The following GALNTL6 variants were observed in gnomAD, a reference collection of about 807,000 sequenced individuals.
The protein encoded by GALNTL6 is polypeptide N-acetylgalactosaminyltransferase like 6.
Under a neutral mutation model 73.7 loss-of-function variants are expected in GALNTL6, and 46 were observed. The ratio of observed to expected loss-of-function variants is 0.62; its 90% CI spans 0.49 to 0.80. GALNTL6 has a LOEUF of 0.80. GALNTL6 is among the 30% of genes least tolerant of loss of function. The probability of loss-of-function intolerance (pLI) is 0.00; values close to 1 mark genes in which losing one functional copy is unlikely to be tolerated. For synonymous variants in GALNTL6, 259 were observed against 263.7 expected, an observed-to-expected ratio of 0.98 and a Z score of 0.17; for missense variants, 604 against 755.0, an observed-to-expected ratio of 0.80 and a Z score of 2.34.
intron 2 of GALNTL6, among the ~76,000 whole-genome samples, chr4:172,036,975 T>C (rs1162214049): frequency 6.6e-6 from 1 of 152,146 alleles, no homozygotes; most frequent in African/African-American, 2.4e-5. Flanking sequence ...CTTTCCTTGT[T>C]CTTTAAGTTA....
At chr4:172,280,700 G>A (rs540817927) in intron 3 of GALNTL6, among the ~76,000 whole-genome samples, 2 of 151,802 alleles carry the variant, frequency 1.3e-5, no homozygotes, top group African/African-American at 4.8e-5. Context: ...TTAATATAAG[G>A]ACTTTATTGC....
chr4:172,262,370 A>G (rs1256272548), intron 3 of GALNTL6, among the ~76,000 whole-genome samples: 1 of 151,272 alleles, frequency 6.6e-6, no homozygotes, highest in Non-Finnish European at 1.5e-5. Flanking sequence ...TTTTTTTATC[A>G]TTATATAATT....
rs138791582 is a variant in GALNTL6 at position 171,941,712 on chromosome 4, T to C, written c.138+126994T>C. Among the ~76,000 whole-genome samples, 38 of 152,326 alleles carry C rather than the reference T, an allele frequency of 2.5e-4. No homozygotes were observed. In the South Asian group the frequency reaches 7.2e-3, roughly 29 times the overall value. On this transcript the variant is annotated intron_variant, in intron 2 of 12. Transcript: ENST00000506823. ...TCAACAGCCTCTCTACCTACTTTTA[T>C]GGTTCTTCACTCTCTTGAAAGAATC... is the stretch of plus-strand genomic sequence containing the variant.
At chr4:172,215,369 T>C (rs1736464192) in intron 2 of GALNTL6, among the ~76,000 whole-genome samples, 2 of 152,264 alleles carry the variant, frequency 1.3e-5, no homozygotes, top group South Asian at 4.1e-4. Context: ...ACTGTAGCAA[T>C]GGATTTGTCT....
intron 3 of GALNTL6, among the ~76,000 whole-genome samples, chr4:172,284,107 T>G (rs1039567556): frequency 4.6e-5 from 7 of 152,192 alleles, no homozygotes; most frequent in Admixed American, 1.3e-4. Flanking sequence ...TCCTCCAGGA[T>G]TCTTCATTAA....
chr4:172,824,392 GTGTT>G (rs879658395), intron 7 of GALNTL6, among the ~76,000 whole-genome samples: 3,051 of 92,528 alleles, frequency 0.033, 90 homozygotes, highest in African/African-American at 0.16. Context: ...GTGTGTGTGT[GTGTT>G]TGTGTGTGTG....
At chr4:172,555,062 A>T (rs1369602669) in intron 5 of GALNTL6, among the ~76,000 whole-genome samples, 1 of 152,174 alleles carries the variant, frequency 6.6e-6, no homozygotes, top group Non-Finnish European at 1.5e-5. Flanking sequence ...TACTTAATTT[A>T]GTTATCTTTG....
chr4:172,205,027 A>G (rs1484917841), intron 2 of GALNTL6, among the ~76,000 whole-genome samples: 1 of 152,214 alleles, frequency 6.6e-6, no homozygotes, highest in South Asian at 2.1e-4. Flanking sequence ...GTTCTCTAAA[A>G]GTTATGATTT....
At chr4:172,874,825 T>G (rs1447890576) in intron 7 of GALNTL6, among the ~76,000 whole-genome samples, 2 of 152,142 alleles carry the variant, frequency 1.3e-5, no homozygotes, top group Non-Finnish European at 2.9e-5. Context: ...AAAGAGTTGT[T>G]TTGACAAAAG....
chr4:172,677,707 G>A (rs1344297052), intron 5 of GALNTL6, among the ~76,000 whole-genome samples: 1 of 151,966 alleles, frequency 6.6e-6, no homozygotes, highest in African/African-American at 2.4e-5. Context: ...AGCATCCTTT[G>A]AGTCCAGGAG....
intron 5 of GALNTL6, among the ~76,000 whole-genome samples, chr4:172,381,539 G>A (rs890408899): frequency 3.3e-5 from 5 of 152,026 alleles, no homozygotes; most frequent in Admixed American, 1.3e-4. Flanking sequence ...GTCATCTGTG[G>A]CTTGCTTTTT....
intron 2 of GALNTL6, among the ~76,000 whole-genome samples, chr4:171,844,542 T>C (rs937938425): frequency 1.3e-5 from 2 of 152,090 alleles, no homozygotes; most frequent in African/African-American, 2.4e-5. Flanking sequence ...AGATGTGAGG[T>C]TTGGAAGAGC....
At chr4:172,456,945 C>T (rs912792573) in intron 5 of GALNTL6, among the ~76,000 whole-genome samples, 1 of 151,994 alleles carries the variant, frequency 6.6e-6, no homozygotes, top group Non-Finnish European at 1.5e-5. Flanking sequence ...TTAAGGGCAG[C>T]CAGAGAGAAA....
intron 7 of GALNTL6, among the ~76,000 whole-genome samples, chr4:172,844,552 T>A (rs1216805575): frequency 6.6e-6 from 1 of 152,230 alleles, no homozygotes; most frequent in Non-Finnish European, 1.5e-5. Flanking sequence ...TTAAAATTAA[T>A]TTTTCTTTCA....
intron 7 of GALNTL6, among the ~76,000 whole-genome samples, chr4:172,826,953 T>G (rs1018532448): frequency 1.3e-5 from 2 of 152,228 alleles, no homozygotes; most frequent in Non-Finnish European, 2.9e-5. Context: ...GGATGGCATC[T>G]TGATCATGGG....
chr4:172,791,663 A>G (rs1034614325), intron 5 of GALNTL6, among the ~76,000 whole-genome samples: 5 of 152,132 alleles, frequency 3.3e-5, no homozygotes, highest in Non-Finnish European at 4.4e-5. Context: ...ACCCTCTGTT[A>G]TCCCTTATTT....
intron 2 of GALNTL6, among the ~76,000 whole-genome samples, chr4:172,097,886 T>C (rs1407656911): frequency 6.6e-6 from 1 of 152,126 alleles, no homozygotes; most frequent in Non-Finnish European, 1.5e-5. Context: ...GTTTAGAACT[T>C]GTTTACTATT....
At chr4:172,181,657 C>T (rs532217280) in intron 2 of GALNTL6, among the ~76,000 whole-genome samples, 19 of 150,980 alleles carry the variant, frequency 1.3e-4, no homozygotes, top group Middle Eastern at 3.5e-3. Context: ...CAAATTGCCT[C>T]AGTTTTCAGA....
chr4:172,709,938 T>A (rs1734596488), intron 5 of GALNTL6, among the ~76,000 whole-genome samples: 1 of 151,974 alleles, frequency 6.6e-6, no homozygotes, highest in African/African-American at 2.4e-5. Flanking sequence ...CACTAACATT[T>A]TTATTATTAA....
Sources: allele counts gnomAD v4.1 joint callset (sites outside exome capture counted in the v4.1 genomes callset), GRCh38; gene constraint gnomAD v4.1.1; transcripts MANE v1.5; gene names NCBI Gene and HGNC (gene_info 2026-07-23, HGNC 2026-07-21).